The following GNG7 variants were observed in gnomAD, a reference collection of about 807,000 sequenced individuals.
GNG7 encodes the protein G protein subunit gamma 7.
A neutral mutation model predicts 4.0 loss-of-function variants in GNG7; 1 was observed. That is an observed-to-expected ratio of 0.25 (90% CI 0.09 to 1.18). The LOEUF is 1.18. GNG7 is among the 50% of genes most tolerant of loss of function. GNG7 has a pLI of 0.50. For synonymous variants in GNG7, 34 were observed against 36.9 expected, an observed-to-expected ratio of 0.92 and a Z score of 0.29; for missense variants, 86 against 91.9, an observed-to-expected ratio of 0.94 and a Z score of 0.26.
chr19:2,526,519 CAT>C (rs66521760), intron 3 of GNG7, among the ~76,000 whole-genome samples: 54,660 of 147,948 alleles, frequency 0.37, 10,117 homozygotes, highest in South Asian at 0.43. Flanking sequence ...TATTTATACT[CAT>C]ATTTATATTT....
At chr19:2,635,025 G>A (rs771425190) in intron 2 of GNG7, among the ~76,000 whole-genome samples, 1 of 152,202 alleles carries the variant, frequency 6.6e-6, no homozygotes, top group Non-Finnish European at 1.5e-5. Flanking sequence ...TGGAAGAGGG[G>A]TTCTCACCCG....
In GNG7 at chr19:2,628,890, T is replaced by C. The variant is rs143549085; in HGVS notation, c.-78+17334A>G. ...TTACCGAACACACGACCTAACTGCA[T>C]TAACCTAACCACTGGAGTGACACCC... is the stretch of plus-strand genomic sequence containing the variant. On this transcript the variant is annotated intron_variant, in intron 2 of 4. Coordinates refer to ENST00000382159, the MANE Select transcript of GNG7 (RefSeq NM_052847.3). 6.5e-3 allele frequency among the ~76,000 whole-genome samples: 985 copies of C among 152,270 alleles called. 8 individuals carry two copies. Among genetic ancestry groups the C allele is most frequent in the African/African-American group, 0.022 (930 of 41,548 alleles).
intron 2 of GNG7, among the ~76,000 whole-genome samples, chr19:2,579,268 T>C (rs1045740240): frequency 6.6e-6 from 1 of 152,190 alleles, no homozygotes; most frequent in Non-Finnish European, 1.5e-5. Flanking sequence ...TGCCCCAGCG[T>C]AACCCAGAGT....
intron 1 of GNG7, among the ~76,000 whole-genome samples, chr19:2,673,211 T>C (rs544300098): frequency 7.6e-4 from 110 of 145,228 alleles, no homozygotes; most frequent in Non-Finnish European, 1.3e-3. Flanking sequence ...CGAGCTGAGA[T>C]AGCACCACTG....
intron 2 of GNG7, among the ~76,000 whole-genome samples, chr19:2,606,325 T>C (rs1336285165): frequency 4.6e-5 from 7 of 151,860 alleles, no homozygotes; most frequent in Non-Finnish European, 1.5e-5. Flanking sequence ...TGAGCCGAGA[T>C]TGCACCACTG....
intron 3 of GNG7, among the ~76,000 whole-genome samples, chr19:2,526,283 T>C (rs1568231879): frequency 6.6e-6 from 1 of 151,844 alleles, no homozygotes; most frequent in East Asian, 1.9e-4. Flanking sequence ...TTTTGTATTT[T>C]TAATAGAGAC....
chr19:2,567,544 TTGAGCTCC>T (rs1368731561), intron 2 of GNG7, among the ~76,000 whole-genome samples: 1 of 152,148 alleles, frequency 6.6e-6, no homozygotes, highest in Non-Finnish European at 1.5e-5. Context: ...CAGGCTGGTC[TTGAGCTCC>T]TGAGCTCAAG....
chr19:2,624,403 C>T (rs1410854658), intron 2 of GNG7, among the ~76,000 whole-genome samples: 2 of 151,048 alleles, frequency 1.3e-5, no homozygotes, highest in Non-Finnish European at 3.0e-5. Flanking sequence ...TGGTGGTGGG[C>T]GCCTGTAGTC....
At chr19:2,679,769 C>T (rs984569983) in intron 1 of GNG7, among the ~76,000 whole-genome samples, 3 of 151,728 alleles carry the variant, frequency 2.0e-5, no homozygotes, top group African/African-American at 7.2e-5. Context: ...GCATTCCCAT[C>T]TGCATCTTCA....
At chr19:2,664,105 C>T (rs987009065) in intron 1 of GNG7, among the ~76,000 whole-genome samples, 2 of 152,204 alleles carry the variant, frequency 1.3e-5, no homozygotes, top group Admixed American at 1.3e-4. Flanking sequence ...CCACCGCCCC[C>T]CAGGCCCGGC....
At chr19:2,517,224 C>G (rs930195328) in intron 4 of GNG7, 8 of 152,220 alleles carry the variant, frequency 5.3e-5, no homozygotes, top group African/African-American at 1.9e-4. Context: ...GTCCCCCAGG[C>G]TGGAATGCAG....
intron 1 of GNG7, among the ~76,000 whole-genome samples, chr19:2,672,367 G>C (rs973640249): frequency 6.6e-6 from 1 of 151,876 alleles, no homozygotes; most frequent in Non-Finnish European, 1.5e-5. Context: ...TGTTGCCCAG[G>C]GTGGTCTAGA....
At chr19:2,564,899 AAAAG>A (rs1421318147) in intron 2 of GNG7, among the ~76,000 whole-genome samples, 5 of 152,054 alleles carry the variant, frequency 3.3e-5, no homozygotes, top group Non-Finnish European at 7.4e-5. Flanking sequence ...AAAAAAAAAA[AAAAG>A]AATCAGGCCA....
chr19:2,513,882 T>G lies in GNG7; in HGVS notation c.*1140A>C, dbSNP rs1972689684. 6.7e-6 allele frequency: 1 copy of G among 150,108 alleles called. No homozygotes were observed. Among genetic ancestry groups the G allele is most frequent in the African/African-American group, 2.5e-5 (1 of 40,650 alleles). 9.3% of individuals were successfully genotyped at this position (150,108 alleles called of 1,614,324 possible). The stretch of plus-strand genomic sequence containing the variant: ...GGAAGAGCCAAGGATGGTCAAAGCC[T>G]CTCCCAGCCACGCGGATGCCTCATG... On this transcript the variant is annotated 3_prime_UTR_variant, in exon 5 of 5. Transcript: ENST00000382159.
At chr19:2,521,356 G>T (rs148487850) in intron 3 of GNG7, among the ~76,000 whole-genome samples, 45 of 152,286 alleles carry the variant, frequency 3.0e-4, no homozygotes, top group African/African-American at 1.0e-3. Context: ...CTCCCGGGTG[G>T]CCTGCCTCAG....
chr19:2,554,337 C>T (rs1408000745), intron 3 of GNG7, among the ~76,000 whole-genome samples: 1 of 149,176 alleles, frequency 6.7e-6, no homozygotes, highest in Non-Finnish European at 1.5e-5. Flanking sequence ...CAGGCACGTG[C>T]CACCACACTG....
At chr19:2,584,508 G>T (rs150632228) in intron 2 of GNG7, among the ~76,000 whole-genome samples, 1 of 150,348 alleles carries the variant, frequency 6.7e-6, no homozygotes, top group Non-Finnish European at 1.5e-5. Context: ...GAGGAGGGAG[G>T]ATCACTTGAG....
At chr19:2,563,478 C>CT (rs1010934059) in intron 2 of GNG7, among the ~76,000 whole-genome samples, 10 of 151,922 alleles carry the variant, frequency 6.6e-5, no homozygotes, top group East Asian at 2.0e-4. Context: ...TGAGGTCACA[C>CT]TTTTTTTTGT....
At chr19:2,550,441 GCC>G (rs1227814059) in intron 3 of GNG7, among the ~76,000 whole-genome samples, 1 of 152,116 alleles carries the variant, frequency 6.6e-6, no homozygotes, top group Non-Finnish European at 1.5e-5. Context: ...GTTCAGGCTG[GCC>G]TTGAACTCCT....
Sources: allele counts gnomAD v4.1 joint callset (sites outside exome capture counted in the v4.1 genomes callset), GRCh38; gene constraint gnomAD v4.1.1; transcripts MANE v1.5; gene names NCBI Gene and HGNC (gene_info 2026-07-23, HGNC 2026-07-21).